The following GPR39 variants were observed in gnomAD, a reference collection of about 807,000 sequenced individuals.
GPR39 encodes zinc sensing receptor.
In GPR39, 23 loss-of-function variants were observed where a neutral mutation model predicts 18.4. That is an observed-to-expected ratio of 1.25 (90% CI 0.90 to 1.77). The LOEUF is 1.77. GPR39 is among the 40% of genes most tolerant of loss of function. The pLI is 0.00. For synonymous variants in GPR39, 280 were observed against 257.9 expected (o/e 1.09, Z -0.82); for missense variants, 647 against 602.4 (o/e 1.07, Z -0.78).
chr2:132,541,506 C>T (rs1284739492), intron 1 of GPR39, among the ~76,000 whole-genome samples: 1 of 152,210 alleles, frequency 6.6e-6, no homozygotes. Context: ...TCACAGTTTT[C>T]TGTCATCCAT....
In GPR39 at chr2:132,584,693, G is replaced by A. The variant is rs191269774; in HGVS notation, c.857-60408G>A. Among the ~76,000 whole-genome samples, 24 of 152,246 alleles carry A rather than the reference G, an allele frequency of 1.6e-4. 1 individual carries two copies. Among genetic ancestry groups the A allele is most frequent in the Admixed American group, 5.2e-4 (8 of 15,292 alleles). On this transcript the variant is annotated intron_variant, in intron 1 of 1. Transcript: ENST00000329321. ...GAAGGAAAGAGAACTCACTTCTAGA[G>A]GCTTCTAAGAAAAAAACACCGTTTC...
chr2:132,450,156 T>G (rs1680607465), intron 1 of GPR39, among the ~76,000 whole-genome samples: 1 of 152,218 alleles, frequency 6.6e-6, no homozygotes, highest in South Asian at 2.1e-4. Context: ...ACGTGGCAGC[T>G]TCTAGGGCTG....
At chr2:132,593,774 A>G (rs1381427059) in intron 1 of GPR39, among the ~76,000 whole-genome samples, 1 of 152,094 alleles carries the variant, frequency 6.6e-6, no homozygotes, top group Non-Finnish European at 1.5e-5. Flanking sequence ...TGGAGGATGA[A>G]AACTTCAAGA....
At chr2:132,595,697 T>C (rs6708461) in intron 1 of GPR39, among the ~76,000 whole-genome samples, 63 of 152,284 alleles carry the variant, frequency 4.1e-4, no homozygotes, top group African/African-American at 1.4e-3. Context: ...TACCCTTCAT[T>C]CTGGCTCAGT....
At chr2:132,558,126 AG>A (rs1680188354) in intron 1 of GPR39, among the ~76,000 whole-genome samples, 1 of 152,056 alleles carries the variant, frequency 6.6e-6, no homozygotes. Flanking sequence ...TAACAACAAA[AG>A]CCCAGCATTT....
At chr2:132,565,915 C>T (rs1237364910) in intron 1 of GPR39, among the ~76,000 whole-genome samples, 1 of 148,390 alleles carries the variant, frequency 6.7e-6, no homozygotes, top group South Asian at 2.2e-4. Flanking sequence ...GGTATATACC[C>T]AGTAATGGGA....
At chr2:132,470,663 G>T (rs1009043429) in intron 1 of GPR39, among the ~76,000 whole-genome samples, 2 of 151,274 alleles carry the variant, frequency 1.3e-5, no homozygotes, top group African/African-American at 4.9e-5. Flanking sequence ...TGAGGAAAAT[G>T]TATAGATCCA....
At chr2:132,503,256 G>A (rs79527592) in intron 1 of GPR39, among the ~76,000 whole-genome samples, 1 of 152,154 alleles carries the variant, frequency 6.6e-6, no homozygotes, top group South Asian at 2.1e-4. Context: ...TTTGTCCCAA[G>A]GAGTGCTATT....
At chr2:132,577,138 C>A (rs1680543315) in intron 1 of GPR39, among the ~76,000 whole-genome samples, 1 of 151,798 alleles carries the variant, frequency 6.6e-6, no homozygotes, top group African/African-American at 2.4e-5. Context: ...GGGGGTATCA[C>A]TTGAGCTCAG....
chr2:132,625,144 T>C (rs916559636), intron 1 of GPR39, among the ~76,000 whole-genome samples: 2 of 151,880 alleles, frequency 1.3e-5, no homozygotes, highest in Admixed American at 1.3e-4. Flanking sequence ...TCTACGTGGC[T>C]TTTTCCCCTC....
At chr2:132,478,537 C>A (rs913417690) in intron 1 of GPR39, among the ~76,000 whole-genome samples, 6 of 152,148 alleles carry the variant, frequency 3.9e-5, no homozygotes, top group Admixed American at 3.3e-4. Context: ...ATCAATACTA[C>A]GTAACAAGAA....
chr2:132,645,897 A>G lies in GPR39; in HGVS notation c.*291A>G, dbSNP rs1409816762. 1.5e-6 allele frequency: 1 copy of G among 678,048 alleles called. No individual in the cohort carries two copies. Among genetic ancestry groups the G allele is most frequent in the East Asian group, 2.9e-5 (1 of 34,868 alleles). The allele number at this position is 678,048 out of a possible 1,614,324, so 42.0% of individuals were successfully genotyped here. On this transcript the variant is annotated 3_prime_UTR_variant, in exon 2 of 2. Transcript: ENST00000329321. ...TCAGAATGCTTTACCGAGCTCTTTC[A>G]TTATTTGCACAGGAACAAAAGAGAA...
chr2:132,610,983 C>T (rs2315523), intron 1 of GPR39, among the ~76,000 whole-genome samples: 36,421 of 151,940 alleles, frequency 0.24, 5,101 homozygotes, highest in East Asian at 0.53. Flanking sequence ...ACCTTCATTT[C>T]ATTGGTTAGG....
chr2:132,516,258 T>C (rs527250862), intron 1 of GPR39, among the ~76,000 whole-genome samples: 1 of 152,280 alleles, frequency 6.6e-6, no homozygotes, highest in African/African-American at 2.4e-5. Flanking sequence ...GAAGGTGGCA[T>C]GTTCTCTGGC....
At chr2:132,440,407 A>T (rs916920586) in intron 1 of GPR39, among the ~76,000 whole-genome samples, 8 of 152,312 alleles carry the variant, frequency 5.3e-5, no homozygotes, top group Non-Finnish European at 1.2e-4. Flanking sequence ...GCTGGGTTCC[A>T]ATCCCAGTTC....
At chr2:132,520,897 C>G (rs1679412999) in intron 1 of GPR39, among the ~76,000 whole-genome samples, 2 of 152,156 alleles carry the variant, frequency 1.3e-5, no homozygotes, top group South Asian at 2.1e-4. Context: ...AGGAAGGGGT[C>G]AGAGAGAGGG....
intron 1 of GPR39, among the ~76,000 whole-genome samples, chr2:132,442,910 G>C (rs1429335248): frequency 6.6e-6 from 1 of 152,046 alleles, no homozygotes; most frequent in East Asian, 1.9e-4. Flanking sequence ...CTTTGCATTG[G>C]CAACTGGAGA....
chr2:132,426,422 C>T (rs1002678174), intron 1 of GPR39, among the ~76,000 whole-genome samples: 4 of 152,196 alleles, frequency 2.6e-5, no homozygotes, highest in Admixed American at 1.3e-4. Flanking sequence ...AGCTCTATTT[C>T]GTCATAGCCT....
In GPR39 at chr2:132,447,579, G is replaced by A. The variant is rs186328972; in HGVS notation, c.856+29681G>A. Among the ~76,000 whole-genome samples the A allele has an allele frequency of 2.0e-3, 310 of 152,284 alleles. 1 individual carries two copies. The highest frequency in any genetic ancestry group is 3.5e-3 in the Non-Finnish European group (238 of 68,030). ...TATTATAACAATTAACTGAACATGT[G>A]TATTGGGTGCCTGCTCAGACTGAAA... On this transcript the variant is annotated intron_variant, in intron 1 of 1. Coordinates refer to ENST00000329321, the MANE Select transcript of GPR39 (RefSeq NM_001508.3).
Sources: allele counts gnomAD v4.1 joint callset (sites outside exome capture counted in the v4.1 genomes callset), GRCh38; gene constraint gnomAD v4.1.1; transcripts MANE v1.5; gene names NCBI Gene and HGNC (gene_info 2026-07-23, HGNC 2026-07-21).